Variants in LMX1B observed in about 807,000 individuals in gnomAD.
LMX1B encodes the protein LIM homeobox transcription factor 1-beta.
A neutral mutation model predicts 51.4 loss-of-function variants in LMX1B; 12 were observed. That is an observed-to-expected ratio of 0.23 (90% CI 0.15 to 0.38). The LOEUF (loss-of-function observed/expected upper bound fraction) is 0.38. Among genes scored for constraint, LMX1B ranks in the 10% least tolerant of loss-of-function variants. The probability of loss-of-function intolerance (pLI) is 1.00; values close to 1 mark genes in which losing one functional copy is unlikely to be tolerated. For synonymous variants in LMX1B, 237 were observed against 235.4 expected (o/e 1.01, Z -0.06); for missense variants, 445 against 571.1 (o/e 0.78, Z 2.25).
In LMX1B at chr9:126,700,502, C is replaced by G. The variant is rs935882781; in HGVS notation, c.*4051C>G. 2 of 152,312 alleles carry G rather than the reference C, an allele frequency of 1.3e-5. No homozygotes were observed. The highest frequency in any genetic ancestry group is 4.8e-5 in the African/African-American group (2 of 41,460). 9.4% of individuals were successfully genotyped at this position (152,312 alleles called of 1,614,324 possible). ...GGCTCCATCCTTGAGCTCTGGGCACCACCTAGGGTGAGGGAGAGCCTGCAG... is the reference window on the plus strand; with the variant it reads ...GGCTCCATCCTTGAGCTCTGGGCACGACCTAGGGTGAGGGAGAGCCTGCAG... On this transcript the variant is annotated 3_prime_UTR_variant, in exon 8 of 8. Transcript: ENST00000373474.
chr9:126,646,810 C>T (rs1460253794), intron 2 of LMX1B, among the ~76,000 whole-genome samples: 1 of 152,220 alleles, frequency 6.6e-6, no homozygotes, highest in Non-Finnish European at 1.5e-5. Flanking sequence ...CATACTCACC[C>T]TCTGCTCCTT....
intron 2 of LMX1B, among the ~76,000 whole-genome samples, chr9:126,672,880 C>A (rs1476949895): frequency 2.0e-5 from 3 of 152,248 alleles, no homozygotes; most frequent in African/African-American, 7.2e-5. Flanking sequence ...TTATCGCTTG[C>A]TGGCCCCAGT....
At chr9:126,678,332 A>T (rs550440962) in intron 2 of LMX1B, among the ~76,000 whole-genome samples, 9 of 145,752 alleles carry the variant, frequency 6.2e-5, no homozygotes, top group Admixed American at 2.7e-4. Flanking sequence ...CAAAAAACAA[A>T]AAAAAAAAAC....
chr9:126,680,084 G>A (rs535311720), intron 2 of LMX1B, among the ~76,000 whole-genome samples: 29 of 152,356 alleles, frequency 1.9e-4, no homozygotes, highest in African/African-American at 7.0e-4. Flanking sequence ...GTGGCCCGGG[G>A]TTTCTCACCT....
chr9:126,676,464 G>A (rs1006672551), intron 2 of LMX1B, among the ~76,000 whole-genome samples: 2 of 152,236 alleles, frequency 1.3e-5, no homozygotes, highest in Admixed American at 6.5e-5. Context: ...TGAAGTGGCA[G>A]GAAGAGGAGG....
Position 126,695,311 on chromosome 9 carries a change from C to T in LMX1B, c.887-528C>T, listed in dbSNP as rs1212825862. 1.3e-5 allele frequency among the ~76,000 whole-genome samples: 2 copies of T among 152,318 alleles called. No homozygotes were observed. Among genetic ancestry groups the T allele is most frequent in the East Asian group, 3.9e-4 (2 of 5,182 alleles). On this transcript the variant is annotated intron_variant, in intron 6 of 7. Transcript: ENST00000373474. This position sits in a 1 kb window ranked among gnomAD's most constrained non-coding sequence, Gnocchi z 5.2. ...CCTGTGGTCCCTCTCAGCTGGTCTC[C>T]CCCACACCGACCTCTCTCCCTGCCT... is the stretch of plus-strand genomic sequence containing the variant.
Position 126,641,996 on chromosome 9 carries a change from T to G in LMX1B, c.326+26427T>G, listed in dbSNP as rs553149220. On this transcript the variant is annotated intron_variant, in intron 2 of 7. Transcript: ENST00000373474. The surrounding 1 kb of genome is among the most constrained non-coding windows in gnomAD (Gnocchi z 4.1). ...GACCCATTCCTGCTGGGGTCCTAGC[T>G]AAGATTCACAGCTTCCCCCAACAAC... Among the ~76,000 whole-genome samples the G allele has an allele frequency of 1.3e-5, 2 of 152,232 alleles. No homozygotes were observed. The highest frequency in any genetic ancestry group is 3.9e-4 in the East Asian group (2 of 5,172).
At position 126,613,987 on chromosome 9, in the gene LMX1B, G is replaced by A. The variant is rs1194832305; in HGVS notation, c.-463G>A. Among the ~76,000 whole-genome samples the A allele has an allele frequency of 1.4e-5, 2 of 144,830 alleles. No individual in the cohort carries two copies. Among genetic ancestry groups the A allele is most frequent in the East Asian group, 2.0e-4 (1 of 4,902 alleles). The stretch of plus-strand genomic sequence containing the variant: ...CACCATGGCACTGGAGTAGCGCGGG[G>A]AGCGCGCCCGGAGCCCCGCGGCCCG... On this transcript the variant is annotated 5_prime_UTR_variant, in exon 1 of 8. Coordinates refer to ENST00000373474, the MANE Select transcript of LMX1B (RefSeq NM_001174147.2). The surrounding 1 kb of genome is among the most constrained non-coding windows in gnomAD (Gnocchi z 4.5).
At chr9:126,622,330 A>G (rs1835430545) in intron 2 of LMX1B, among the ~76,000 whole-genome samples, 1 of 152,106 alleles carries the variant, frequency 6.6e-6, no homozygotes, top group Non-Finnish European at 1.5e-5. Context: ...CAGTGCTGTG[A>G]GAGAGGCTTC....
At chr9:126,642,300 C>G (rs1835824128) in intron 2 of LMX1B, among the ~76,000 whole-genome samples, 1 of 152,170 alleles carries the variant, frequency 6.6e-6, no homozygotes, top group Non-Finnish European at 1.5e-5. Context: ...TCCCAAACCT[C>G]TCCTCACAGC....
At chr9:126,682,083 C>CTTTTTT (rs71377953) in intron 2 of LMX1B, among the ~76,000 whole-genome samples, 4 of 53,380 alleles carry the variant, frequency 7.5e-5, no homozygotes, top group African/African-American at 2.6e-4. Context: ...TCCCCAGGGT[C>CTTTTTT]TTTTTTTTTT....
At chr9:126,630,796 G>A (rs1313698106) in intron 2 of LMX1B, among the ~76,000 whole-genome samples, 2 of 152,276 alleles carry the variant, frequency 1.3e-5, no homozygotes, top group Non-Finnish European at 2.9e-5. Context: ...GCCAGGGTCT[G>A]CCCTCCTGCC....
At chr9:126,668,007 G>T (rs1322219714) in intron 2 of LMX1B, among the ~76,000 whole-genome samples, 2 of 152,206 alleles carry the variant, frequency 1.3e-5, no homozygotes, top group African/African-American at 2.4e-5. Context: ...TGCAGGTGAT[G>T]ATGTGGTCCC....
At chr9:126,686,837 G>A (rs954203874) in intron 2 of LMX1B, among the ~76,000 whole-genome samples, 1 of 152,234 alleles carries the variant, frequency 6.6e-6, no homozygotes, top group Non-Finnish European at 1.5e-5. Flanking sequence ...TCCTTTGAGG[G>A]TTCTGTGAGG....
chr9:126,696,733 C>T lies in LMX1B; in HGVS notation c.*282C>T. On this transcript the variant is annotated 3_prime_UTR_variant, in exon 8 of 8. Transcript: ENST00000373474. ...CACTCGCCTCCCAGCCCCACCTCGG[C>T]CTCCATCGCCTCCTCCCCATCTCTT... The T allele has an allele frequency of 1.9e-6, 1 of 535,946 alleles. No individual in the cohort carries two copies. The highest frequency in any genetic ancestry group is 3.4e-6 in the Non-Finnish European group (1 of 298,140). The allele number at this position is 535,946 out of a possible 1,614,324, so 33.2% of individuals were successfully genotyped here.
chr9:126,655,451 G>A (rs1272427659), intron 2 of LMX1B, among the ~76,000 whole-genome samples: 2 of 152,190 alleles, frequency 1.3e-5, no homozygotes, highest in Non-Finnish European at 2.9e-5. Context: ...CAAACAGATG[G>A]TAAGGGGAGC....
chr9:126,633,268 C>T (rs1835661969), intron 2 of LMX1B, among the ~76,000 whole-genome samples: 1 of 152,226 alleles, frequency 6.6e-6, no homozygotes, highest in African/African-American at 2.4e-5. Context: ...CATGAGTCTA[C>T]ATTTCCAGAT....
intron 2 of LMX1B, among the ~76,000 whole-genome samples, chr9:126,683,099 G>T (rs1420493087): frequency 6.6e-6 from 1 of 151,014 alleles, no homozygotes; most frequent in Non-Finnish European, 1.5e-5. Context: ...CCGAGGGGCC[G>T]GCGGCCCCGC....
Position 126,698,134 on chromosome 9 carries a change from C to T in LMX1B, c.*1683C>T, listed in dbSNP as rs1026605009. Reference sequence around the variant, plus strand: ...AGGTGATCCGCCTGCCTCGGCCTCCCAAAGTGCTGGGATTACAGGCGTGAG... The same window carrying T: ...AGGTGATCCGCCTGCCTCGGCCTCCTAAAGTGCTGGGATTACAGGCGTGAG... On this transcript the variant is annotated 3_prime_UTR_variant, in exon 8 of 8. Transcript: ENST00000373474. The T allele has an allele frequency of 2.0e-5, 3 of 152,604 alleles. No homozygotes were observed. Among genetic ancestry groups the T allele is most frequent in the African/African-American group, 4.8e-5 (2 of 41,468 alleles). 9.5% of individuals were successfully genotyped at this position (152,604 alleles called of 1,614,324 possible). A position where few individuals can be genotyped will look rare whatever the true frequency, so the allele number is the denominator to read the frequency against.
Sources: allele counts gnomAD v4.1 joint callset (sites outside exome capture counted in the v4.1 genomes callset), GRCh38; gene constraint gnomAD v4.1.1; non-coding constraint Gnocchi (gnomAD v3.1); transcripts MANE v1.5; gene names NCBI Gene and HGNC (gene_info 2026-07-23, HGNC 2026-07-21).